UGT2A2: variants seen among roughly 807,000 people sequenced by gnomAD.
UGT2A2 encodes the protein UDP glucuronosyltransferase family 2 member A2.
Under a neutral mutation model 50.7 loss-of-function variants are expected in UGT2A2, and 60 were observed. The ratio of observed to expected loss-of-function variants is 1.18; its 90% CI spans 0.96 to 1.47. The LOEUF is 1.47. Ranked by LOEUF, UGT2A2 falls within the 40% of genes most tolerant of loss-of-function variation. The pLI is 0.00. For synonymous variants in UGT2A2, 242 were observed against 214.6 expected, an observed-to-expected ratio of 1.13 and a Z score of -1.11; for missense variants, 762 against 634.0, an observed-to-expected ratio of 1.20 and a Z score of -2.17.
chr4:69,594,444 G>A, intron 5 of UGT2A2, 33 bp downstream of exon 5: 2 of 1,605,296 alleles, frequency 1.2e-6, no homozygotes, highest in Non-Finnish European at 1.7e-6. Flanking sequence ...TGTAATTAAA[G>A]TTAGGCAAGT....
chr4:69,599,136 C>G, intron 2 of UGT2A2, 110 bp downstream of exon 2: 1 of 1,417,004 alleles, frequency 7.1e-7, no homozygotes, highest in South Asian at 1.7e-5. Flanking sequence ...TGTGGAGTAG[C>G]AAACTGAAAT....
chr4:69,605,991 A>T (rs147772806), intron 1 of UGT2A2, among the ~76,000 whole-genome samples: 24,922 of 135,806 alleles, frequency 0.18, 6,021 homozygotes, highest in Non-Finnish European at 0.22. Flanking sequence ...TTCTACCAGA[A>T]GTACAAGGAG....
chr4:69,633,292 T>A (rs1721489102), intron 1 of UGT2A2, among the ~76,000 whole-genome samples: 1 of 152,096 alleles, frequency 6.6e-6, no homozygotes, highest in South Asian at 2.1e-4. Flanking sequence ...ATGGTTACAA[T>A]GAAAATAAAT....
chr4:69,597,502 G>T (rs968317877), intron 2 of UGT2A2, among the ~76,000 whole-genome samples: 2 of 152,070 alleles, frequency 1.3e-5, no homozygotes, highest in African/African-American at 4.8e-5. Flanking sequence ...GATGTATCCT[G>T]CATTCCCTGT....
At chr4:69,632,573 A>C (rs1018014361) in intron 1 of UGT2A2, among the ~76,000 whole-genome samples, 1 of 152,124 alleles carries the variant, frequency 6.6e-6, no homozygotes. Flanking sequence ...TATGGAAATC[A>C]TCCTTAGTGA....
At chr4:69,627,564 GAGAA>G (rs1170679742) in intron 1 of UGT2A2, among the ~76,000 whole-genome samples, 6 of 145,480 alleles carry the variant, frequency 4.1e-5, no homozygotes, top group African/African-American at 1.3e-4. Context: ...GAGAGAGAGA[GAGAA>G]AGAAAGAGAG....
intron 1 of UGT2A2, among the ~76,000 whole-genome samples, chr4:69,629,548 T>A (rs769228584): frequency 1.3e-5 from 2 of 152,030 alleles, no homozygotes; most frequent in African/African-American, 2.4e-5. Flanking sequence ...GTAGCTGAGG[T>A]TAGTCAAACA....
intron 1 of UGT2A2, among the ~76,000 whole-genome samples, chr4:69,610,484 T>C (rs1462382617): frequency 6.6e-6 from 1 of 152,170 alleles, no homozygotes; most frequent in African/African-American, 2.4e-5. Context: ...TATGAACCAA[T>C]TAATATTATG....
rs565661864 is a variant in UGT2A2 at position 69,603,361 on chromosome 4, A to C, written c.743-3967T>G. Among the ~76,000 whole-genome samples the C allele has an allele frequency of 2.5e-4, 34 of 137,502 alleles. 7 individuals are homozygous for C. The highest frequency in any genetic ancestry group is 7.7e-3 in the Middle Eastern group (2 of 260). 90.2% of individuals were successfully genotyped at this position (137,502 alleles called of 152,430 possible). ...ATGACAAAGATGCAGGCATGCAGGA[A>C]AAAATGTTTTCAATAAATAGTGATG... On this transcript the variant is annotated intron_variant, in intron 1 of 5. Transcript: ENST00000604629.
chr4:69,607,161 T>G (rs1348441294), intron 1 of UGT2A2, among the ~76,000 whole-genome samples: 3 of 141,534 alleles, frequency 2.1e-5, no homozygotes, highest in Non-Finnish European at 4.7e-5. Context: ...CTACCTGACT[T>G]CAAACTATAC....
rs116775516 is a variant in UGT2A2, at chr4:69,601,072, C to T, written c.743-1678G>A. Among the ~76,000 whole-genome samples, 1,277 of 152,182 alleles carry T rather than the reference C, an allele frequency of 8.4e-3. 20 individuals are homozygous for T. Among genetic ancestry groups the T allele is most frequent in the African/African-American group, 0.029 (1,204 of 41,520 alleles). On this transcript the variant is annotated intron_variant, in intron 1 of 5. Transcript: ENST00000604629. ...GTGCCTGGAATCCAGTTACCTGATG[C>T]TAGTGGAATACTGCAAATGTGAGAA...
chr4:69,608,150 G>T (rs1444171485), intron 1 of UGT2A2, among the ~76,000 whole-genome samples: 1 of 152,134 alleles, frequency 6.6e-6, no homozygotes, highest in Non-Finnish European at 1.5e-5. Flanking sequence ...ATTCACAATA[G>T]CAAAGACTTG....
At chr4:69,618,211 G>GTATGTT (rs762836387) in intron 1 of UGT2A2, among the ~76,000 whole-genome samples, 85 of 113,302 alleles carry the variant, frequency 7.5e-4, no homozygotes, top group Non-Finnish European at 1.1e-3. Flanking sequence ...GTGTGTGTGT[G>GTATGTT]TGTGTATGTT....
chr4:69,636,374 G>T (rs1479512934), intron 1 of UGT2A2, among the ~76,000 whole-genome samples: 1 of 151,976 alleles, frequency 6.6e-6, no homozygotes, highest in Non-Finnish European at 1.5e-5. Context: ...TACAAAATGG[G>T]GTTTTACCAG....
chr4:69,623,153 C>T (rs957979487), intron 1 of UGT2A2, among the ~76,000 whole-genome samples: 3 of 151,820 alleles, frequency 2.0e-5, no homozygotes, highest in Non-Finnish European at 1.5e-5. Flanking sequence ...TTGGCACAAG[C>T]TAGTCCATCC....
At chr4:69,621,831 AAG>A (rs1347449326) in intron 1 of UGT2A2, among the ~76,000 whole-genome samples, 2 of 151,960 alleles carry the variant, frequency 1.3e-5, no homozygotes, top group African/African-American at 4.8e-5. Flanking sequence ...ATAAAAAGGA[AAG>A]AGAACATGTT....
At chr4:69,633,770 A>C (rs140758081) in intron 1 of UGT2A2, among the ~76,000 whole-genome samples, 2 of 152,284 alleles carry the variant, frequency 1.3e-5, no homozygotes, top group East Asian at 3.9e-4. Flanking sequence ...TCAGAAGCCA[A>C]GAAAGTGTTT....
chr4:69,599,215 A>G (rs776506791), intron 2 of UGT2A2, 31 bp downstream of exon 2: 1 of 1,578,252 alleles, frequency 6.3e-7, no homozygotes, highest in Non-Finnish European at 8.6e-7. Flanking sequence ...TATTATGAAG[A>G]GCATAAAATC....
In UGT2A2 at chr4:69,639,009, T is replaced by A; in HGVS notation, c.632A>T (p.Asp211Val). Residue 211 changes from aspartate (D) to valine (V), a missense_variant, in exon 1 of 6, where the codon GAC becomes GTC. Physicochemically the swap from Asp to Val is radical, Grantham distance 152 (BLOSUM62 -3). Coordinates refer to ENST00000604629, the MANE Select transcript of UGT2A2 (RefSeq NM_001105677.2). ...YVPAALSELT[D>V]QMTFGERIKN... ...AATCCTTTCACCAAAGGTCATCTGGTCAGTGAGCTCTGATAAGGCTGCCGG... is the reference window on the plus strand; with the variant it reads ...AATCCTTTCACCAAAGGTCATCTGGACAGTGAGCTCTGATAAGGCTGCCGG... 6.2e-7 allele frequency: 1 copy of A among 1,613,294 alleles called. No individual in the cohort carries two copies. The highest frequency in any genetic ancestry group is 8.5e-7 in the Non-Finnish European group (1 of 1,179,574).
Sources: allele counts gnomAD v4.1 joint callset (sites outside exome capture counted in the v4.1 genomes callset), GRCh38; gene constraint gnomAD v4.1.1; transcripts MANE v1.5; gene names NCBI Gene and HGNC (gene_info 2026-07-23, HGNC 2026-07-21).